Variants in RNF180 observed in about 807,000 individuals in gnomAD.
RNF180 encodes ring finger protein 180.
In RNF180, 38 loss-of-function variants were observed where a neutral mutation model predicts 59.2. The observed-to-expected ratio is 0.64, with a 90% CI of 0.50 to 0.84. The LOEUF is 0.84. RNF180 is among the 40% of genes least tolerant of loss of function. The pLI is 0.00. For synonymous variants in RNF180, 262 were observed against 240.3 expected, an observed-to-expected ratio of 1.09 and a Z score of -0.84; for missense variants, 705 against 700.9, an observed-to-expected ratio of 1.01 and a Z score of -0.07.
At chr5:64,274,177 T>C (rs544167862) in intron 5 of RNF180, among the ~76,000 whole-genome samples, 2 of 152,054 alleles carry the variant, frequency 1.3e-5, no homozygotes, top group African/African-American at 2.4e-5. Context: ...AATCATTCCA[T>C]ACATTTTTTT....
At chr5:64,259,167 C>T (rs1485785206) in intron 5 of RNF180, among the ~76,000 whole-genome samples, 1 of 152,066 alleles carries the variant, frequency 6.6e-6, no homozygotes, top group Non-Finnish European at 1.5e-5. Context: ...TTGGAGGAGC[C>T]ATCTTTCATA....
At chr5:64,293,042 T>C (rs1296068518) in intron 5 of RNF180, among the ~76,000 whole-genome samples, 1 of 152,192 alleles carries the variant, frequency 6.6e-6, no homozygotes, top group Non-Finnish European at 1.5e-5. Context: ...CCCTGTCTAC[T>C]CTGTCTCAGG....
At position 64,330,369 on chromosome 5, in the gene RNF180, C is replaced by G. The variant is rs1428113038; in HGVS notation, c.1542C>G (p.Pro514=). Residue 514 remains proline (P), a synonymous_variant, in exon 7 of 8, where the codon CCC becomes CCG. Coordinates refer to ENST00000389100, the MANE Select transcript of RNF180 (RefSeq NM_001113561.2). ...AGAAATCCAACTCTGCAAAATGGCC[C>G]CTACCAAGCTGCAGAAAAGCATTTC... ...SFQKSNSAKW[P]LPSCRKAFHL... 3 of 1,541,544 alleles carry G rather than the reference C, an allele frequency of 1.9e-6. No individual in the cohort carries two copies. The Admixed American group carries it at 6.3e-5, about 32-fold the overall frequency.
At chr5:64,216,738 A>G (rs747283191) in intron 4 of RNF180, among the ~76,000 whole-genome samples, 1 of 152,250 alleles carries the variant, frequency 6.6e-6, no homozygotes, top group Non-Finnish European at 1.5e-5. Context: ...TTGTTTAGCA[A>G]AAGTTAATTG....
chr5:64,285,005 C>A (rs867584844), intron 5 of RNF180, among the ~76,000 whole-genome samples: 1 of 152,116 alleles, frequency 6.6e-6, no homozygotes, highest in Non-Finnish European at 1.5e-5. Context: ...GTTTTATTTT[C>A]GTTGGTGCCT....
chr5:64,233,858 C>G (rs1290999320), intron 5 of RNF180, among the ~76,000 whole-genome samples: 1 of 152,188 alleles, frequency 6.6e-6, no homozygotes, highest in Non-Finnish European at 1.5e-5. Flanking sequence ...ATGCCTGGTT[C>G]TTCTTCACTG....
At chr5:64,171,799 A>T (rs1338640918) in intron 1 of RNF180, among the ~76,000 whole-genome samples, 1 of 152,170 alleles carries the variant, frequency 6.6e-6, no homozygotes, top group South Asian at 2.1e-4. Context: ...CATCCTTCTC[A>T]TTCCTAAAAT....
chr5:64,349,410 C>CTT (rs57419146), intron 7 of RNF180, among the ~76,000 whole-genome samples: 14,481 of 139,148 alleles, frequency 0.1, 834 homozygotes, highest in African/African-American at 0.12. Context: ...AGTCTTCTTT[C>CTT]TTTTTTTTTT....
chr5:64,194,967 C>G (rs1414321818), intron 1 of RNF180, among the ~76,000 whole-genome samples: 1 of 152,000 alleles, frequency 6.6e-6, no homozygotes, highest in Admixed American at 6.6e-5. Flanking sequence ...ACAAACTGAA[C>G]ATGTATATAT....
intron 5 of RNF180, among the ~76,000 whole-genome samples, chr5:64,303,541 G>A (rs760998974): frequency 2.0e-5 from 3 of 151,624 alleles, no homozygotes; most frequent in African/African-American, 4.8e-5. Context: ...AAGACAGTTC[G>A]AATGGTCTAT....
At chr5:64,314,288 AT>A (rs11295222) in intron 5 of RNF180, among the ~76,000 whole-genome samples, 49,838 of 150,624 alleles carry the variant, frequency 0.33, 9,145 homozygotes, top group African/African-American at 0.51. Context: ...GCATGCCAAC[AT>A]TTTTTTTTAC....
intron 2 of RNF180, 68 bp from the exon 3 acceptor site, chr5:64,211,997 T>G (rs1752337561): frequency 2.2e-6 from 2 of 921,808 alleles, no homozygotes; most frequent in East Asian, 2.6e-5. Flanking sequence ...GAGTTTTACT[T>G]AAATATGAAA....
chr5:64,357,467 A>G (rs1317393786), intron 7 of RNF180, among the ~76,000 whole-genome samples: 1 of 151,890 alleles, frequency 6.6e-6, no homozygotes, highest in Non-Finnish European at 1.5e-5. Context: ...TCTCTGAATT[A>G]GCCTCTAAAG....
At chr5:64,199,840 T>TA (rs1256899450) in intron 1 of RNF180, among the ~76,000 whole-genome samples, 2 of 152,238 alleles carry the variant, frequency 1.3e-5, no homozygotes, top group Non-Finnish European at 2.9e-5. Context: ...CAAATTGGCT[T>TA]AAAGTATTGA....
chr5:64,296,685 G>A (rs1221407484), intron 5 of RNF180, among the ~76,000 whole-genome samples: 4 of 151,852 alleles, frequency 2.6e-5, no homozygotes, highest in African/African-American at 4.8e-5. Flanking sequence ...ATGATTAAGA[G>A]TTAATGAGTC....
intron 5 of RNF180, among the ~76,000 whole-genome samples, chr5:64,290,259 A>G (rs183441094): frequency 9.9e-5 from 15 of 152,230 alleles, no homozygotes; most frequent in South Asian, 8.3e-4. Flanking sequence ...TATGATTTCA[A>G]TTATTTTGCA....
At chr5:64,346,295 T>TG (rs1561273931) in intron 7 of RNF180, among the ~76,000 whole-genome samples, 1 of 148,392 alleles carries the variant, frequency 6.7e-6, no homozygotes, top group Non-Finnish European at 1.5e-5. Flanking sequence ...AGGTTTGGTT[T>TG]GTTTTTTTTT....
intron 5 of RNF180, among the ~76,000 whole-genome samples, chr5:64,265,830 G>T (rs955933572): frequency 6.6e-6 from 1 of 152,066 alleles, no homozygotes; most frequent in African/African-American, 2.4e-5. Context: ...CCATTTTCAC[G>T]ATACTGATTC....
intron 5 of RNF180, among the ~76,000 whole-genome samples, chr5:64,246,314 A>G (rs949826835): frequency 6.6e-6 from 1 of 152,230 alleles, no homozygotes; most frequent in Non-Finnish European, 1.5e-5. Context: ...CAAGAAATCA[A>G]GGAATCCAGG....
Sources: gnomAD v4.1 joint callset for allele counts (sites outside exome capture counted in the v4.1 genomes callset) on GRCh38, gnomAD v4.1.1 for gene constraint, MANE v1.5 for transcripts, NCBI Gene and HGNC (gene_info 2026-07-23, HGNC 2026-07-21) for gene names.